Variants in ITPR1 observed in about 807,000 individuals in gnomAD.
ITPR1 encodes inositol 1,4,5-trisphosphate-gated calcium channel ITPR1.
In ITPR1, 96 loss-of-function variants were observed where a neutral mutation model predicts 318.4. The observed-to-expected ratio is 0.30, with a 90% CI of 0.26 to 0.36. The LOEUF is 0.36. ITPR1 is among the 10% of genes least tolerant of loss of function. The pLI is 1.00. For synonymous variants in ITPR1, 1,312 were observed against 1,289.9 expected (o/e 1.02, Z -0.37); for missense variants, 2,440 against 3,460.2 (o/e 0.71, Z 7.40).
intron 46 of ITPR1, 112 bp downstream of exon 46, chr3:4,768,876 TC>T: frequency 9.7e-7 from 1 of 1,033,230 alleles, no homozygotes; most frequent in Non-Finnish European, 1.4e-6. Context: ...GAGCCAAGGA[TC>T]CAGCAAGGTT....
intron 4 of ITPR1, among the ~76,000 whole-genome samples, chr3:4,525,162 C>T (rs186380437): frequency 4.6e-5 from 7 of 152,132 alleles, no homozygotes; most frequent in Non-Finnish European, 2.9e-5. Flanking sequence ...CCCCAGTGCT[C>T]GTGTATGCAA....
Position 4,795,185 on chromosome 3 carries a change from G to A in ITPR1, c.6929G>A (p.Gly2310Glu). Residue 2310 changes from glycine to glutamate, a missense_variant and splice_region_variant, in exon 53 of 62, where the codon GGA (glycine) becomes GAA (glutamate). Physicochemically the swap from Gly to Glu is moderately conservative, Grantham distance 98. Transcript: ENST00000649015. ...AFFYPFKGVRGGTLEPHWSGL... is the reference protein window; with the variant it reads ...AFFYPFKGVREGTLEPHWSGL... ...TTCTACCCGTTTAAGGGAGTCCGAG[G>A]AGGTACCCATATCTTTAACTTCAAA... is the stretch of plus-strand genomic sequence containing the variant. 3 of 1,612,792 alleles carry A rather than the reference G, an allele frequency of 1.9e-6. No homozygotes were observed. The South Asian group carries it at 3.3e-5, about 18-fold the overall frequency.
chr3:4,796,316 A>G (rs2047896325), intron 53 of ITPR1, among the ~76,000 whole-genome samples: 1 of 151,416 alleles, frequency 6.6e-6, no homozygotes, highest in Non-Finnish European at 1.5e-5. Flanking sequence ...TTTTAATGTC[A>G]TGTCAGGAAA....
At chr3:4,633,596 C>A (rs1291753687) in intron 5 of ITPR1, among the ~76,000 whole-genome samples, 1 of 152,194 alleles carries the variant, frequency 6.6e-6, no homozygotes, top group Non-Finnish European at 1.5e-5. Context: ...TGGCTGGATA[C>A]TGTCTATGCT....
At chr3:4,796,786 C>G (rs895458502) in intron 53 of ITPR1, among the ~76,000 whole-genome samples, 1 of 152,206 alleles carries the variant, frequency 6.6e-6, no homozygotes, top group African/African-American at 2.4e-5. Flanking sequence ...TGCCAAGCCA[C>G]TCTGGGCAAG....
chr3:4,845,460 G>C (rs1388523629), intron 61 of ITPR1, among the ~76,000 whole-genome samples: 1 of 152,162 alleles, frequency 6.6e-6, no homozygotes, highest in Non-Finnish European at 1.5e-5. Flanking sequence ...CTTCTTGTTT[G>C]GGATTTTGAA....
chr3:4,504,076 C>T (rs304028), intron 2 of ITPR1, among the ~76,000 whole-genome samples: 56,471 of 151,906 alleles, frequency 0.37, 10,655 homozygotes, highest in Admixed American at 0.42. Flanking sequence ...AGCTAAATGC[C>T]CTCCACTCAC....
intron 44 of ITPR1, among the ~76,000 whole-genome samples, chr3:4,755,403 CAT>C (rs1491488570): frequency 1.2e-5 from 1 of 81,968 alleles, no homozygotes; most frequent in African/African-American, 3.0e-5. Flanking sequence ...CAATTAAAAA[CAT>C]TTTTTTTTTT....
At chr3:4,681,283 C>T in intron 25 of ITPR1, 81 bp from the exon 26 acceptor site, 1 of 969,618 alleles carries the variant, frequency 1.0e-6, no homozygotes, top group South Asian at 1.3e-5. Flanking sequence ...CAGCTTTACC[C>T]TGCAAAACTT....
intron 33 of ITPR1, 102 bp from the exon 34 acceptor site, chr3:4,697,045 G>A (rs892013077): frequency 2.9e-6 from 3 of 1,025,382 alleles, no homozygotes; most frequent in Non-Finnish European, 4.4e-6. Context: ...AGTGGGGAAT[G>A]GGATGACCAT....
At chr3:4,762,257 CAT>C (rs1399953612) in intron 44 of ITPR1, among the ~76,000 whole-genome samples, 1 of 152,190 alleles carries the variant, frequency 6.6e-6, no homozygotes, top group Non-Finnish European at 1.5e-5. Context: ...GGTGAGATAA[CAT>C]GTGAAGGTTT....
intron 22 of ITPR1, 136 bp downstream of exon 22, chr3:4,674,479 CT>C (rs2125216430): frequency 1.4e-6 from 1 of 701,110 alleles, no homozygotes; most frequent in Admixed American, 3.4e-5. Context: ...AGGAATTCAG[CT>C]TGGTTTTGTT....
At chr3:4,809,818 G>A (rs2048823957) in intron 55 of ITPR1, among the ~76,000 whole-genome samples, 1 of 152,214 alleles carries the variant, frequency 6.6e-6, no homozygotes, top group Non-Finnish European at 1.5e-5. Context: ...TTTGTTGTCT[G>A]AAGTTGCGCT....
chr3:4,681,604 T>TGAGA (rs199705361), intron 26 of ITPR1, among the ~76,000 whole-genome samples, 186 bp downstream of exon 26: 2 of 99,238 alleles, frequency 2.0e-5, no homozygotes, highest in African/African-American at 7.7e-5. Flanking sequence ...AGAGAGAGAG[T>TGAGA]GAGAGAGAGA....
chr3:4,557,142 A>G (rs1176497785), intron 4 of ITPR1, among the ~76,000 whole-genome samples: 3 of 152,172 alleles, frequency 2.0e-5, no homozygotes, highest in Non-Finnish European at 2.9e-5. Flanking sequence ...ATAAAGACAT[A>G]CCCGAGACTG....
intron 49 of ITPR1, among the ~76,000 whole-genome samples, chr3:4,781,676 T>G (rs2046847096): frequency 6.6e-6 from 1 of 152,190 alleles, no homozygotes; most frequent in Non-Finnish European, 1.5e-5. Flanking sequence ...CTCTACTTCC[T>G]CATCCACTAA....
intron 44 of ITPR1, among the ~76,000 whole-genome samples, chr3:4,744,578 A>G (rs1461110730): frequency 6.6e-6 from 1 of 152,216 alleles, no homozygotes; most frequent in African/African-American, 2.4e-5. Context: ...AGAGTTGAGT[A>G]GTTGTGACAG....
At chr3:4,631,933 T>G (rs1322368128) in intron 5 of ITPR1, among the ~76,000 whole-genome samples, 1 of 152,198 alleles carries the variant, frequency 6.6e-6, no homozygotes, top group East Asian at 1.9e-4. Context: ...ATTATAGGCA[T>G]GGACTACTGC....
intron 4 of ITPR1, among the ~76,000 whole-genome samples, chr3:4,581,375 A>G (rs1219977950): frequency 6.6e-6 from 1 of 152,170 alleles, no homozygotes; most frequent in Non-Finnish European, 1.5e-5. Context: ...TGTAGGGTTA[A>G]AAACTCCCAG....
Sources: allele counts gnomAD v4.1 joint callset (sites outside exome capture counted in the v4.1 genomes callset), GRCh38; gene constraint gnomAD v4.1.1; transcripts MANE v1.5; gene names NCBI Gene and HGNC (gene_info 2026-07-23, HGNC 2026-07-21).